AK5: variants seen among roughly 807,000 people sequenced by gnomAD.
AK5 encodes the protein adenylate kinase isoenzyme 5.
A neutral mutation model predicts 69.5 loss-of-function variants in AK5; 27 were observed. That is an observed-to-expected ratio of 0.39 (90% confidence interval 0.29 to 0.54). AK5 has a LOEUF of 0.54. AK5 is among the 20% of genes least tolerant of loss of function. The probability of loss-of-function intolerance (pLI) is 0.71; values close to 1 mark genes in which losing one functional copy is unlikely to be tolerated. For synonymous variants in AK5, 260 were observed against 244.4 expected (o/e 1.06, Z -0.60); for missense variants, 531 against 700.4 (o/e 0.76, Z 2.73).
intron 2 of AK5, among the ~76,000 whole-genome samples, chr1:77,290,314 C>T (rs2799562): frequency 0.15 from 22,846 of 152,176 alleles, 2,182 homozygotes; most frequent in Non-Finnish European, 0.2. Context: ...TAGTTTATTA[C>T]ATTCAACAAA....
Position 77,519,899 on chromosome 1 carries a change from C to G in AK5, c.1311+1172C>G, listed in dbSNP as rs571220990. Among the ~76,000 whole-genome samples the G allele has an allele frequency of 5.9e-5, 9 of 152,262 alleles. No homozygotes were observed. In the South Asian group the frequency reaches 1.9e-3, roughly 32 times the overall value. ...TCTTGTACTGACCTCCTATCTCATC[C>G]TGTGACTTAGAATGCTTAACCTGGC... On this transcript the variant is annotated intron_variant, in intron 11 of 13. Transcript: ENST00000354567.
chr1:77,302,913 A>C (rs1347912379), intron 5 of AK5, among the ~76,000 whole-genome samples: 1 of 152,190 alleles, frequency 6.6e-6, no homozygotes, highest in Non-Finnish European at 1.5e-5. Flanking sequence ...GATGTTATGC[A>C]ATGACATAAC....
intron 6 of AK5, among the ~76,000 whole-genome samples, chr1:77,355,712 A>C (rs1662475575): frequency 6.6e-6 from 1 of 152,152 alleles, no homozygotes; most frequent in Non-Finnish European, 1.5e-5. Context: ...CTGTCTTTAT[A>C]ATTCCACTGT....
chr1:77,506,714 T>C (rs1166685182), intron 10 of AK5, among the ~76,000 whole-genome samples: 1 of 152,124 alleles, frequency 6.6e-6, no homozygotes, highest in Non-Finnish European at 1.5e-5. Flanking sequence ...TCATTGTTAA[T>C]GGGGCCGGGC....
intron 6 of AK5, among the ~76,000 whole-genome samples, chr1:77,373,716 A>G (rs1268798688): frequency 7.0e-6 from 1 of 142,914 alleles, no homozygotes; most frequent in Non-Finnish European, 1.5e-5. Flanking sequence ...GCAGAGCAAG[A>G]CTCCATCTCA....
Position 77,333,288 on chromosome 1 carries a change from G to C in AK5, c.700-7089G>C, listed in dbSNP as rs549974267. On this transcript the variant is annotated intron_variant, in intron 5 of 13. Transcript: ENST00000354567. ...TTTTGCTGTGACTAGCTTTGTGCCG[G>C]TGTGGCACACATGCACAGGAGAACC... Among the ~76,000 whole-genome samples the C allele has an allele frequency of 6.6e-5, 10 of 152,268 alleles. No homozygotes were observed. The South Asian group carries it at 2.1e-3, about 32-fold the overall frequency.
chr1:77,445,941 T>C (rs1290565800), intron 8 of AK5, among the ~76,000 whole-genome samples: 1 of 152,178 alleles, frequency 6.6e-6, no homozygotes, highest in East Asian at 1.9e-4. Flanking sequence ...TTTGATGTAG[T>C]TCCATGTATT....
chr1:77,488,863 C>T (rs1395020308), intron 10 of AK5, among the ~76,000 whole-genome samples: 1 of 151,932 alleles, frequency 6.6e-6, no homozygotes, highest in Non-Finnish European at 1.5e-5. Flanking sequence ...CTCACAGACA[C>T]ACCCAGGATC....
intron 12 of AK5, among the ~76,000 whole-genome samples, chr1:77,530,282 G>A (rs1445538024): frequency 6.6e-6 from 1 of 151,524 alleles, no homozygotes; most frequent in Non-Finnish European, 1.5e-5. Flanking sequence ...TGTGGGGGGA[G>A]AAGTTATATA....
chr1:77,393,832 C>T (rs1648646180), intron 6 of AK5, among the ~76,000 whole-genome samples: 1 of 152,204 alleles, frequency 6.6e-6, no homozygotes, highest in Non-Finnish European at 1.5e-5. Flanking sequence ...CTCATCACTT[C>T]CCTTGAGTGT....
At chr1:77,476,886 T>C (rs1330367376) in intron 8 of AK5, among the ~76,000 whole-genome samples, 1 of 145,072 alleles carries the variant, frequency 6.9e-6, no homozygotes, top group Non-Finnish European at 1.5e-5. Context: ...GTTTAATGTG[T>C]GAGGTGTTTT....
chr1:77,457,058 A>G (rs1309440542), intron 8 of AK5, among the ~76,000 whole-genome samples: 1 of 152,008 alleles, frequency 6.6e-6, no homozygotes, highest in Non-Finnish European at 1.5e-5. Flanking sequence ...TTTTCCTCCA[A>G]CATTTTGAGC....
intron 10 of AK5, among the ~76,000 whole-genome samples, chr1:77,493,989 C>T (rs12568528): frequency 0.055 from 8,379 of 152,158 alleles, 333 homozygotes; most frequent in East Asian, 0.22. Flanking sequence ...TTATCAAGGG[C>T]TTATTATGGT....
chr1:77,414,742 C>T (rs1452443078), intron 7 of AK5, among the ~76,000 whole-genome samples: 1 of 152,122 alleles, frequency 6.6e-6, no homozygotes, highest in African/African-American at 2.4e-5. Flanking sequence ...TTTTTCGTAA[C>T]ATCCTAATTT....
chr1:77,364,691 A>T (rs1646921262), intron 6 of AK5, among the ~76,000 whole-genome samples: 1 of 152,282 alleles, frequency 6.6e-6, no homozygotes, highest in South Asian at 2.1e-4. Flanking sequence ...ATTGCTGCAA[A>T]TGACAGGATT....
At chr1:77,325,226 C>T (rs1660743563) in intron 5 of AK5, among the ~76,000 whole-genome samples, 1 of 149,548 alleles carries the variant, frequency 6.7e-6, no homozygotes, top group Non-Finnish European at 1.5e-5. Flanking sequence ...AGGCTGGTCT[C>T]AAGCTCCTGA....
chr1:77,299,001 A>G (rs889370806), intron 5 of AK5, among the ~76,000 whole-genome samples: 3 of 152,170 alleles, frequency 2.0e-5, no homozygotes, highest in Non-Finnish European at 2.9e-5. Context: ...ACCTTTTTCT[A>G]TACTTACATG....
intron 6 of AK5, among the ~76,000 whole-genome samples, chr1:77,368,245 A>ATATATATATATATATATATAT (rs376578923): frequency 1.0e-4 from 7 of 67,898 alleles, no homozygotes; most frequent in Non-Finnish European, 1.7e-4. Flanking sequence ...ATATATATAT[A>ATATATATATATATATATATAT]TATATATAAT....
rs1660663935 is a variant in AK5 at position 77,324,052 on chromosome 1, G to A, written c.700-16325G>A. 5.9e-5 allele frequency among the ~76,000 whole-genome samples: 9 copies of A among 152,210 alleles called. No homozygotes were observed. In the South Asian group the frequency reaches 1.9e-3, roughly 32 times the overall value. On this transcript the variant is annotated intron_variant, in intron 5 of 13. Coordinates refer to ENST00000354567, the MANE Select transcript of AK5 (RefSeq NM_174858.3). ...CAGCCAACAGAGACTCAAAAGTCTG[G>A]GTTCAACTCAAGGCACCAGCACAAT...
Sources: gnomAD v4.1 joint callset for allele counts (sites outside exome capture counted in the v4.1 genomes callset) on GRCh38, gnomAD v4.1.1 for gene constraint, MANE v1.5 for transcripts, NCBI Gene and HGNC (gene_info 2026-07-23, HGNC 2026-07-21) for gene names.